GLI3: variants seen among roughly 807,000 people sequenced by gnomAD.
GLI3 encodes transcription activator GLI3.
A neutral mutation model predicts 100.8 loss-of-function variants in GLI3; 20 were observed. The ratio of observed to expected loss-of-function variants is 0.20; its 90% CI spans 0.14 to 0.29. GLI3 has a LOEUF of 0.29. Among genes scored for constraint, GLI3 ranks in the 10% least tolerant of loss-of-function variants. The pLI, the probability that GLI3 is intolerant of heterozygous loss-of-function variation, is 1.00. For synonymous variants in GLI3, 938 were observed against 860.5 expected (o/e 1.09, Z -1.58); for missense variants, 2,040 against 2,128.5 (o/e 0.96, Z 0.82).
chr7:42,222,119 C>T (rs1424741091), intron 2 of GLI3, among the ~76,000 whole-genome samples: 1 of 152,144 alleles, frequency 6.6e-6, no homozygotes, highest in East Asian at 1.9e-4. Flanking sequence ...GAAGTATATG[C>T]CCTTAGAGTC....
chr7:42,100,469 C>G (rs1386931359), intron 3 of GLI3, among the ~76,000 whole-genome samples: 1 of 152,004 alleles, frequency 6.6e-6, no homozygotes, highest in Non-Finnish European at 1.5e-5. Flanking sequence ...GGCGTGGTGG[C>G]TCACACCAGT....
At chr7:42,038,278 T>C (rs760846813) in intron 7 of GLI3, among the ~76,000 whole-genome samples, 3 of 152,188 alleles carry the variant, frequency 2.0e-5, no homozygotes, top group Non-Finnish European at 1.5e-5. Context: ...CAGTGTAGCA[T>C]AGACAGCCAT....
chr7:42,094,938 G>A (rs529680961), intron 3 of GLI3, among the ~76,000 whole-genome samples: 6 of 152,230 alleles, frequency 3.9e-5, no homozygotes, highest in Admixed American at 6.5e-5. Context: ...TCCAAAGACC[G>A]CACATGAGGG....
At chr7:42,176,122 G>T (rs992937595) in intron 2 of GLI3, among the ~76,000 whole-genome samples, 1 of 152,112 alleles carries the variant, frequency 6.6e-6, no homozygotes, top group Non-Finnish European at 1.5e-5. Flanking sequence ...GACCGAAACA[G>T]GGACTGATGT....
intron 10 of GLI3, among the ~76,000 whole-genome samples, chr7:41,997,435 A>T (rs1042635404): frequency 3.9e-5 from 6 of 152,222 alleles, no homozygotes; most frequent in Non-Finnish European, 7.3e-5. Flanking sequence ...ACTAAAGTGA[A>T]CGCTACTGAC....
At chr7:41,996,098 G>A (rs186036647) in intron 10 of GLI3, among the ~76,000 whole-genome samples, 5 of 152,224 alleles carry the variant, frequency 3.3e-5, no homozygotes, top group African/African-American at 4.8e-5. Context: ...ACTTCATACA[G>A]TGGATGGAGA....
intron 4 of GLI3, among the ~76,000 whole-genome samples, chr7:42,069,096 C>T (rs560140001): frequency 1.7e-3 from 259 of 152,218 alleles, no homozygotes; most frequent in African/African-American, 5.8e-3. Flanking sequence ...GTTCAGTGAA[C>T]GTGAATACCT....
chr7:42,078,731 T>G (rs1292920553), intron 3 of GLI3, among the ~76,000 whole-genome samples: 2 of 146,688 alleles, frequency 1.4e-5, no homozygotes, highest in South Asian at 2.3e-4. Flanking sequence ...TCACAGTTTT[T>G]TTTTTTTTTT....
intron 4 of GLI3, among the ~76,000 whole-genome samples, chr7:42,069,251 T>C (rs1784739495): frequency 6.6e-6 from 1 of 152,234 alleles, no homozygotes; most frequent in Non-Finnish European, 1.5e-5. Context: ...ATTCAGTATT[T>C]CAGTCATTAG....
At chr7:42,058,119 T>C (rs2128745935) in intron 4 of GLI3, among the ~76,000 whole-genome samples, 1 of 151,766 alleles carries the variant, frequency 6.6e-6, no homozygotes, top group Non-Finnish European at 1.5e-5. Flanking sequence ...CAGAAAAAAA[T>C]TAAAATTAAC....
chr7:42,128,349 C>T (rs1786187129), intron 3 of GLI3, among the ~76,000 whole-genome samples: 1 of 151,818 alleles, frequency 6.6e-6, no homozygotes, highest in Non-Finnish European at 1.5e-5. Context: ...TGTTTTTAAT[C>T]CATTTGGTTA....
chr7:41,977,960 C>A, intron 11 of GLI3: 6 of 560,194 alleles, frequency 1.1e-5, no homozygotes, highest in South Asian at 6.2e-5. Flanking sequence ...TTTAATAGAC[C>A]GCTCAATGTG....
intron 3 of GLI3, among the ~76,000 whole-genome samples, chr7:42,113,092 G>C (rs7802174): frequency 0.031 from 4,746 of 152,178 alleles, 198 homozygotes; most frequent in African/African-American, 0.096. Context: ...CAGGAGAACT[G>C]CTTGAACCTG....
chr7:42,127,383 G>C (rs577780270), intron 3 of GLI3, among the ~76,000 whole-genome samples: 28 of 152,210 alleles, frequency 1.8e-4, no homozygotes, highest in Non-Finnish European at 4.0e-4. Flanking sequence ...GAGGTGGGCA[G>C]CATGTATTTG....
intron 3 of GLI3, among the ~76,000 whole-genome samples, chr7:42,121,731 C>A (rs1041995458): frequency 7.2e-5 from 11 of 152,142 alleles, no homozygotes; most frequent in African/African-American, 2.7e-4. Context: ...CCACCTCCTC[C>A]CCCTCCATCA....
chr7:42,224,802 A>G (rs1788553244), intron 1 of GLI3, among the ~76,000 whole-genome samples: 1 of 152,208 alleles, frequency 6.6e-6, no homozygotes, highest in Non-Finnish European at 1.5e-5. Context: ...CCCTGGGGCT[A>G]GCTGGCCAGT....
intron 1 of GLI3, among the ~76,000 whole-genome samples, chr7:42,259,876 T>C (rs1789121801): frequency 6.6e-6 from 1 of 152,240 alleles, no homozygotes; most frequent in Admixed American, 6.5e-5. Flanking sequence ...AATAAACCTG[T>C]GGGCATCTAT....
chr7:42,009,867 G>C (rs1788564308), intron 10 of GLI3, among the ~76,000 whole-genome samples: 1 of 152,166 alleles, frequency 6.6e-6, no homozygotes, highest in Non-Finnish European at 1.5e-5. Flanking sequence ...CCCCGTTCCT[G>C]GATCCCACAG....
At chr7:42,163,532 G>A (rs542442714) in intron 2 of GLI3, among the ~76,000 whole-genome samples, 35 of 151,780 alleles carry the variant, frequency 2.3e-4, no homozygotes, top group Non-Finnish European at 3.4e-4. Context: ...GGGTTCAAGC[G>A]ATTCTCCTGC....
Sources: gnomAD v4.1 joint callset for allele counts (sites outside exome capture counted in the v4.1 genomes callset) on GRCh38, gnomAD v4.1.1 for gene constraint, MANE v1.5 for transcripts, NCBI Gene and HGNC (gene_info 2026-07-23, HGNC 2026-07-21) for gene names.